SLC25A3: variants seen among roughly 807,000 people sequenced by gnomAD.
SLC25A3 encodes the protein solute carrier family 25 member 3.
Under a neutral mutation model 37.1 loss-of-function variants are expected in SLC25A3, and 14 were observed. The observed-to-expected ratio is 0.38, with a 90% CI of 0.25 to 0.59. The LOEUF (loss-of-function observed/expected upper bound fraction) is 0.59. Among genes scored for constraint, SLC25A3 ranks in the 20% least tolerant of loss-of-function variants. The probability of loss-of-function intolerance (pLI) is 0.67; values close to 1 mark genes in which losing one functional copy is unlikely to be tolerated. For missense variants in SLC25A3, 385 were observed against 458.1 expected, an observed-to-expected ratio of 0.84 and a Z score of 1.46; for synonymous variants, 161 against 168.7, an observed-to-expected ratio of 0.95 and a Z score of 0.36.
At position 98,603,015 on chromosome 12, in the gene SLC25A3, GAA is replaced by G. The variant is rs1406074424; in HGVS notation, c.*1490_*1491del. 9 of 152,310 alleles carry G rather than the reference GAA, an allele frequency of 5.9e-5. No individual in the cohort carries two copies. Among genetic ancestry groups the G allele is most frequent in the Non-Finnish European group, 1.0e-4 (7 of 68,018 alleles). 9.4% of individuals were successfully genotyped at this position (152,310 alleles called of 1,614,324 possible). ...TTTTACCTGTGCTGCAGGAAAAAAG[GAA>G]AAGTTGTAGGTACAAATTTGGACCA... is the stretch of plus-strand genomic sequence containing the variant. On this transcript the variant is annotated 3_prime_UTR_variant, in exon 8 of 8. Coordinates refer to ENST00000552981, the MANE Select transcript of SLC25A3 (RefSeq NM_002635.4).
intron 2 of SLC25A3, chr12:98,595,092 T>G: frequency 3.3e-6 from 1 of 301,514 alleles, no homozygotes; most frequent in East Asian, 7.8e-5. Flanking sequence ...CTTTTACATG[T>G]CGAGTGATCT....
At chr12:98,601,329 T>C in intron 7 of SLC25A3, 39 bp from the exon 8 acceptor site, 2 of 1,614,136 alleles carry the variant, frequency 1.2e-6, no homozygotes, top group Middle Eastern at 1.6e-4. Flanking sequence ...GTTTTGGATA[T>C]GTTGCATTTT....
rs778687222 is a variant in SLC25A3 at position 98,598,046 on chromosome 12, A to G, written c.459+11A>G. 7 of 1,611,706 alleles carry G rather than the reference A, an allele frequency of 4.3e-6. No homozygotes were observed. The highest frequency in any genetic ancestry group is 8.5e-7 in the Non-Finnish European group (1 of 1,178,218). ...AATATGCTTGGAGAGGTATGTAATT[A>G]ACTTTAAAATTGAATGTTCCGAGTG... is the stretch of plus-strand genomic sequence containing the variant. On this transcript the variant is annotated intron_variant, in intron 4 of 7. Transcript: ENST00000552981.
chr12:98,600,601 A>G (rs1009733475), intron 6 of SLC25A3, among the ~76,000 whole-genome samples: 17 of 150,962 alleles, frequency 1.1e-4, no homozygotes, highest in African/African-American at 3.9e-4. Context: ...TTTAGTAGAG[A>G]CGGTTTCACT....
intron 2 of SLC25A3, chr12:98,595,441 A>T: frequency 6.2e-7 from 1 of 1,613,744 alleles, no homozygotes; most frequent in Non-Finnish European, 8.5e-7. Flanking sequence ...AGAGCAGTAT[A>T]GCTGTGACTA....
In SLC25A3 at chr12:98,598,378, G is replaced by A. The variant is rs376958507; in HGVS notation, c.460-144G>A. ...ACATAGTTACGTGTTTTGTTAATGA[G>A]GTTATGAGACCACATATATATTCCA... On this transcript the variant is annotated intron_variant, in intron 4 of 7. Transcript: ENST00000552981. The A allele has an allele frequency of 2.5e-5, 32 of 1,256,500 alleles. No individual in the cohort carries two copies. In the African/African-American group the frequency reaches 3.3e-4, roughly 13 times the overall value. 77.8% of individuals were successfully genotyped at this position (1,256,500 alleles called of 1,614,324 possible). A position where few individuals can be genotyped will look rare whatever the true frequency, so the allele number is the denominator to read the frequency against.
rs58590576 is a variant in SLC25A3, at chr12:98,595,625, A to G, written c.158-102A>G. 4.7e-3 allele frequency: 7,618 copies of G among 1,612,580 alleles called. 328 individuals are homozygous for G. The African/African-American group carries it at 0.09, about 19-fold the overall frequency. On this transcript the variant is annotated intron_variant, in intron 2 of 7. Coordinates refer to ENST00000552981, the MANE Select transcript of SLC25A3 (RefSeq NM_002635.4). The stretch of plus-strand genomic sequence containing the variant: ...GACTGTTAAGTTATAAGATATAGTC[A>G]TCTAACAAGCTGTGTGGAAACCTAA...
chr12:98,595,517 C>G (rs764006781), intron 2 of SLC25A3: 1 of 1,614,030 alleles, frequency 6.2e-7, no homozygotes, highest in East Asian at 2.2e-5. Context: ...ACAACACATA[C>G]AGCATTGGTT....
At position 98,602,750 on chromosome 12, in the gene SLC25A3, A is replaced by G. The variant is rs2097598872; in HGVS notation, c.*1222A>G. On this transcript the variant is annotated 3_prime_UTR_variant, in exon 8 of 8. Coordinates refer to ENST00000552981, the MANE Select transcript of SLC25A3 (RefSeq NM_002635.4). The stretch of plus-strand genomic sequence containing the variant: ...CGAAAAACCTAGTGTAATATATAAC[A>G]TGCTGTTTTTCAAACACTAGATTTT... 6.6e-6 allele frequency: 1 copy of G among 152,228 alleles called. No individual in the cohort carries two copies. Among genetic ancestry groups the G allele is most frequent in the Non-Finnish European group, 1.5e-5 (1 of 68,042 alleles). 9.4% of individuals were successfully genotyped at this position (152,228 alleles called of 1,614,324 possible).
intron 2 of SLC25A3, chr12:98,595,094 G>T: frequency 6.7e-6 from 2 of 298,774 alleles, no homozygotes; most frequent in Non-Finnish European, 1.3e-5. Context: ...TTTACATGTC[G>T]AGTGATCTTT....
At chr12:98,595,224 C>G in intron 2 of SLC25A3, 1 of 576,880 alleles carries the variant, frequency 1.7e-6, no homozygotes, top group Non-Finnish European at 3.1e-6. Context: ...TGGCAGAATA[C>G]GAGCTATTAA....
At position 98,604,283 on chromosome 12, in the gene SLC25A3, T is replaced by C. The variant is rs1254212520; in HGVS notation, c.*2755T>C. The C allele has an allele frequency of 6.8e-6, 1 of 147,916 alleles. No individual in the cohort carries two copies. Among genetic ancestry groups the C allele is most frequent in the Admixed American group, 6.7e-5 (1 of 14,826 alleles). The allele number at this position is 147,916 out of a possible 1,614,324, so 9.2% of individuals were successfully genotyped here. A position where few individuals can be genotyped will look rare whatever the true frequency, so the allele number is the denominator to read the frequency against. On this transcript the variant is annotated 3_prime_UTR_variant, in exon 8 of 8. Coordinates refer to ENST00000552981, the MANE Select transcript of SLC25A3 (RefSeq NM_002635.4). ...AAAAAAATATATATATATATATATA[T>C]ATATGAAGCTGATAGTTGAATTATG... is the stretch of plus-strand genomic sequence containing the variant.
intron 2 of SLC25A3, chr12:98,594,386 AAG>A (rs1279738603): frequency 5.7e-6 from 4 of 700,060 alleles, no homozygotes; most frequent in Non-Finnish European, 1.0e-5. Flanking sequence ...TGCCCGAGGG[AAG>A]AGAGGCCGTG....
In SLC25A3 at chr12:98,593,818, G is replaced by T. The variant is rs1424035869; in HGVS notation, c.-5+78G>T. 7.8e-6 allele frequency: 6 copies of T among 766,440 alleles called. No homozygotes were observed. In the South Asian group the frequency reaches 8.1e-5, roughly 10 times the overall value. The allele number at this position is 766,440 out of a possible 1,614,324, so 47.5% of individuals were successfully genotyped here. A position where few individuals can be genotyped will look rare whatever the true frequency, so the allele number is the denominator to read the frequency against. On this transcript the variant is annotated intron_variant, in intron 1 of 7. Transcript: ENST00000552981. ...GCTCCTGTGGGGCCGCTGCTTTGGC[G>T]GTGGGCCCAGCCGGGAGCAGCCTCT...
At chr12:98,598,071 GT>G in intron 4 of SLC25A3, 36 bp downstream of exon 4, 7 of 1,604,090 alleles carry the variant, frequency 4.4e-6, no homozygotes, top group Non-Finnish European at 6.0e-6. Flanking sequence ...TGTTCCGAGT[GT>G]TTAAGACTTT....
Position 98,598,033 on chromosome 12 carries a change from G to GAGGT in SLC25A3, c.459_459+3dup. 6.2e-7 allele frequency: 1 copy of GAGGT among 1,613,214 alleles called. No individual in the cohort carries two copies. Among genetic ancestry groups the GAGGT allele is most frequent in the Non-Finnish European group, 8.5e-7 (1 of 1,179,250 alleles). Reference sequence around the variant, plus strand: ...AGTCTTGTATAGCAATATGCTTGGAGAGGTATGTAATTAACTTTAAAATTG... The same window carrying GAGGT: ...AGTCTTGTATAGCAATATGCTTGGAGAGGTAGGTATGTAATTAACTTTAAAATTG... On this transcript the variant is annotated frameshift_variant and splice_region_variant, in exon 4 of 8. Coordinates refer to ENST00000552981, the MANE Select transcript of SLC25A3 (RefSeq NM_002635.4). LOFTEE classifies it high-confidence loss of function.
At position 98,595,868 on chromosome 12, in the gene SLC25A3, C is replaced by T. The variant is rs572732882; in HGVS notation, c.279+20C>T. 2 of 1,601,122 alleles carry T rather than the reference C, an allele frequency of 1.2e-6. No individual in the cohort carries two copies. The highest frequency in any genetic ancestry group is 1.3e-5 in the African/African-American group (1 of 74,766). The stretch of plus-strand genomic sequence containing the variant: ...ATGCAGGTTTGTATTGAGATGACAA[C>T]ATTGAAAGTATCTCTCATGTGACTT... On this transcript the variant is annotated intron_variant, in intron 3 of 7. Transcript: ENST00000552981.
At chr12:98,594,174 C>T (rs751482215) in intron 2 of SLC25A3, 39 bp downstream of exon 2, 1 of 1,528,882 alleles carries the variant, frequency 6.5e-7, no homozygotes, top group Non-Finnish European at 9.0e-7. Context: ...GTGTGGTCTA[C>T]TTGTGGGCCG....
intron 5 of SLC25A3, 131 bp downstream of exon 5, chr12:98,598,834 G>A: frequency 1.2e-6 from 1 of 830,946 alleles, no homozygotes; most frequent in Non-Finnish European, 1.9e-6. Context: ...GGAGTGCAGT[G>A]GCGTGATCTC....
Sources: allele counts gnomAD v4.1 joint callset (sites outside exome capture counted in the v4.1 genomes callset), GRCh38; gene constraint gnomAD v4.1.1; transcripts MANE v1.5; gene names NCBI Gene and HGNC (gene_info 2026-07-23, HGNC 2026-07-21).